Variants in MAGI2 observed in about 807,000 individuals in gnomAD.
The protein encoded by MAGI2 is membrane-associated guanylate kinase, WW and PDZ domain-containing protein 2.
In MAGI2, 35 loss-of-function variants were observed where a neutral mutation model predicts 133.3. The observed-to-expected ratio is 0.26, with a 90% CI of 0.20 to 0.35. The LOEUF is 0.35. Among genes scored for constraint, MAGI2 ranks in the 10% least tolerant of loss-of-function variants. The pLI, the probability that MAGI2 is intolerant of heterozygous loss-of-function variation, is 1.00. For missense variants in MAGI2, 1,636 were observed against 1,863.4 expected, an observed-to-expected ratio of 0.88 and a Z score of 2.25; for synonymous variants, 729 against 710.6, an observed-to-expected ratio of 1.03 and a Z score of -0.41.
At chr7:79,060,249 C>A (rs969610902) in intron 1 of MAGI2, among the ~76,000 whole-genome samples, 1 of 151,978 alleles carries the variant, frequency 6.6e-6, no homozygotes, top group African/African-American at 2.4e-5. Context: ...TATTTAAAGT[C>A]ATTGGAAAAT....
At chr7:78,044,330 C>G (rs1811170963) in intron 21 of MAGI2, among the ~76,000 whole-genome samples, 1 of 152,142 alleles carries the variant, frequency 6.6e-6, no homozygotes, top group Non-Finnish European at 1.5e-5. Flanking sequence ...CTTTTCCTCT[C>G]TCCAACATAG....
At chr7:78,380,630 G>A (rs1383434907) in intron 6 of MAGI2, among the ~76,000 whole-genome samples, 3 of 152,008 alleles carry the variant, frequency 2.0e-5, no homozygotes, top group African/African-American at 7.2e-5. Flanking sequence ...GATAGTTAAA[G>A]GGTACAAAAA....
chr7:78,531,651 A>T (rs1168597497), intron 3 of MAGI2, among the ~76,000 whole-genome samples: 2 of 152,210 alleles, frequency 1.3e-5, no homozygotes, highest in Non-Finnish European at 2.9e-5. Flanking sequence ...GATTCTTGTG[A>T]TAGTCATCTT....
chr7:78,081,926 T>C (rs1021650024), intron 20 of MAGI2, among the ~76,000 whole-genome samples: 2 of 152,196 alleles, frequency 1.3e-5, no homozygotes, highest in Non-Finnish European at 2.9e-5. Flanking sequence ...ACACAGAGTC[T>C]GGGTCTCTTT....
rs182847990 is a variant in MAGI2, at chr7:78,024,704, C to T, written c.3707-4728G>A. On this transcript the variant is annotated intron_variant, in intron 21 of 21. Transcript: ENST00000354212. ...TGAAGACACAATTGAAAGAGGGCCA[C>T]GTGTGGACATCTTTCATAAACCCTT... Among the ~76,000 whole-genome samples the T allele has an allele frequency of 2.3e-3, 351 of 152,274 alleles. 4 individuals carry two copies. Among genetic ancestry groups the T allele is most frequent in the Non-Finnish European group, 4.4e-3 (301 of 68,026 alleles).
intron 1 of MAGI2, among the ~76,000 whole-genome samples, chr7:79,151,002 G>GTTTTGT (rs377630955): frequency 1.5e-3 from 229 of 151,734 alleles, no homozygotes; most frequent in African/African-American, 5.0e-3. Context: ...TGTTTGTTTT[G>GTTTTGT]TTTTGTTTTT....
At chr7:78,607,402 A>C (rs144105087) in intron 3 of MAGI2, among the ~76,000 whole-genome samples, 30 of 151,950 alleles carry the variant, frequency 2.0e-4, no homozygotes, top group Admixed American at 6.6e-4. Flanking sequence ...CGCGGCTGGC[A>C]GGCCCAGTAG....
At chr7:78,817,289 G>A (rs879455907) in intron 2 of MAGI2, among the ~76,000 whole-genome samples, 1 of 152,160 alleles carries the variant, frequency 6.6e-6, no homozygotes, top group Non-Finnish European at 1.5e-5. Context: ...TGAAGATGCT[G>A]TCAACATTAT....
intron 2 of MAGI2, among the ~76,000 whole-genome samples, chr7:78,851,249 AG>A (rs11314712): frequency 0.38 from 58,164 of 151,834 alleles, 11,501 homozygotes; most frequent in East Asian, 0.71. Context: ...TCTCATTGTT[AG>A]TCCATTTAAC....
At chr7:79,346,400 T>C (rs1841316800) in intron 1 of MAGI2, among the ~76,000 whole-genome samples, 1 of 152,040 alleles carries the variant, frequency 6.6e-6, no homozygotes, top group South Asian at 2.1e-4. Context: ...CATGAGTTTT[T>C]CCCTTCTTGT....
intron 2 of MAGI2, among the ~76,000 whole-genome samples, chr7:78,935,775 C>G (rs769977943): frequency 1.4e-4 from 22 of 152,034 alleles, no homozygotes; most frequent in Non-Finnish European, 2.5e-4. Flanking sequence ...CATTGACTCT[C>G]TGTAAACTGT....
chr7:79,255,477 A>C (rs996002923), intron 1 of MAGI2, among the ~76,000 whole-genome samples: 4 of 152,250 alleles, frequency 2.6e-5, no homozygotes, highest in Admixed American at 6.5e-5. Context: ...TAAAAATGTG[A>C]AACAGTTATG....
At chr7:78,635,048 TATTA>T (rs1354569284) in intron 2 of MAGI2, among the ~76,000 whole-genome samples, 18 of 152,244 alleles carry the variant, frequency 1.2e-4, no homozygotes, top group African/African-American at 3.6e-4. Context: ...ACAGCTTATT[TATTA>T]ATTGCTAAAT....
intron 2 of MAGI2, among the ~76,000 whole-genome samples, chr7:78,921,933 C>T (rs930685522): frequency 6.6e-6 from 1 of 152,000 alleles, no homozygotes; most frequent in African/African-American, 2.4e-5. Context: ...TGTGTCCGGC[C>T]CAGATTTTAA....
chr7:78,637,207 T>G (rs933599444), intron 2 of MAGI2, among the ~76,000 whole-genome samples: 1 of 152,232 alleles, frequency 6.6e-6, no homozygotes, highest in African/African-American at 2.4e-5. Flanking sequence ...GGTGCATAGA[T>G]GAACAGAGTC....
intron 6 of MAGI2, among the ~76,000 whole-genome samples, chr7:78,474,459 G>A (rs1165232415): frequency 2.0e-5 from 3 of 151,930 alleles, no homozygotes; most frequent in African/African-American, 7.2e-5. Context: ...CACAACTCTA[G>A]GTACTAGGAT....
chr7:78,892,063 C>G (rs1796808664), intron 2 of MAGI2, among the ~76,000 whole-genome samples: 1 of 152,154 alleles, frequency 6.6e-6, no homozygotes, highest in South Asian at 2.1e-4. Flanking sequence ...GCAAAAATCA[C>G]AAGCATTCTT....
chr7:78,952,321 CACTT>C (rs560647271), intron 2 of MAGI2, among the ~76,000 whole-genome samples: 176 of 152,180 alleles, frequency 1.2e-3, no homozygotes, highest in African/African-American at 4.1e-3. Flanking sequence ...CTAGGAGAAA[CACTT>C]ACATTTAGCT....
Position 78,518,512 on chromosome 7 carries a change from T to A in MAGI2, c.754+2918A>T, listed in dbSNP as rs78471680. The A allele has an allele frequency of 4.3e-4, 66 of 152,306 alleles. No homozygotes were observed. The East Asian group carries it at 0.012, about 29-fold the overall frequency. 9.4% of individuals were successfully genotyped at this position (152,306 alleles called of 1,614,324 possible). A position where few individuals can be genotyped will look rare whatever the true frequency, so the allele number is the denominator to read the frequency against. ...ATGAGGTTAGGCCACTCCTAAAGCA[T>A]GGTAAGCATTCAAAAGAAGTGAATT... is the stretch of plus-strand genomic sequence containing the variant. On this transcript the variant is annotated intron_variant, in intron 4 of 21. Coordinates refer to ENST00000354212, the MANE Select transcript of MAGI2 (RefSeq NM_012301.4).
Sources: allele counts gnomAD v4.1 joint callset (sites outside exome capture counted in the v4.1 genomes callset), GRCh38; gene constraint gnomAD v4.1.1; transcripts MANE v1.5; gene names NCBI Gene and HGNC (gene_info 2026-07-23, HGNC 2026-07-21).